Variants in ATP10B observed in about 807,000 individuals in gnomAD.
ATP10B encodes the protein ATPase phospholipid transporting 10B (putative), also known as phospholipid-transporting ATPase VB.
ATP10B carries 122 observed loss-of-function variants against 141.2 expected under a neutral mutation model. The observed-to-expected ratio is 0.86, with a 90% CI of 0.75 to 1.00. The LOEUF (loss-of-function observed/expected upper bound fraction) is 1.00, where lower values mean the gene tolerates loss of function less well. Among genes scored for constraint, ATP10B ranks in the 50% least tolerant of loss-of-function variants. The pLI, the probability that ATP10B is intolerant of heterozygous loss-of-function variation, is 0.00. For synonymous variants in ATP10B, 685 were observed against 692.0 expected (o/e 0.99, Z 0.16); for missense variants, 1,876 against 1,825.3 (o/e 1.03, Z -0.51).
In ATP10B at chr5:160,716,978, G is replaced by C; in HGVS notation, c.-274C>G. On this transcript the variant is annotated 5_prime_UTR_variant, in exon 3 of 26. Transcript: ENST00000327245. ...CTGTGCCCCTACAGCCACAGGAAGA[G>C]GGGGCAGATGTAGTACTTTAGCTGG... 2 of 985,386 alleles carry C rather than the reference G, an allele frequency of 2.0e-6. No individual in the cohort carries two copies. The highest frequency in any genetic ancestry group is 2.4e-6 in the Non-Finnish European group (2 of 829,864). The allele number at this position is 985,386 out of a possible 1,614,324, so 61.0% of individuals were successfully genotyped here.
intron 20 of ATP10B, 119 bp from the exon 21 acceptor site, chr5:160,602,821 T>C: frequency 7.2e-7 from 1 of 1,398,128 alleles, no homozygotes; most frequent in South Asian, 1.3e-5. Context: ...AAAGACCCCT[T>C]GTTGTGGTCA....
chr5:160,791,320 A>G (rs1771552403), intron 1 of ATP10B, among the ~76,000 whole-genome samples: 1 of 152,190 alleles, frequency 6.6e-6, no homozygotes, highest in Non-Finnish European at 1.5e-5. Context: ...GGAAATTAAT[A>G]TGCTGACTAT....
intron 1 of ATP10B, among the ~76,000 whole-genome samples, chr5:160,834,229 G>A (rs1034615805): frequency 2.0e-5 from 3 of 152,042 alleles, no homozygotes; most frequent in Non-Finnish European, 4.4e-5. Flanking sequence ...GGAGGCTGAG[G>A]CATGAGAATC....
intron 24 of ATP10B, among the ~76,000 whole-genome samples, chr5:160,583,395 C>T (rs530308047): frequency 5.0e-4 from 76 of 152,318 alleles, no homozygotes; most frequent in Non-Finnish European, 8.4e-4. Flanking sequence ...ATATCACCAG[C>T]AGAGGCTGCA....
intron 2 of ATP10B, among the ~76,000 whole-genome samples, 191 bp from the exon 3 acceptor site, chr5:160,717,225 GAGA>G (rs1328541880): frequency 1.2e-4 from 18 of 152,152 alleles, no homozygotes; most frequent in African/African-American, 4.3e-4. Context: ...GTAATGCTTG[GAGA>G]AGGAGAGGAA....
intron 6 of ATP10B, among the ~76,000 whole-genome samples, chr5:160,679,950 C>T (rs984231202): frequency 1.3e-5 from 2 of 152,164 alleles, no homozygotes; most frequent in African/African-American, 4.8e-5. Context: ...TAAACTAATA[C>T]AATTCTGAAG....
At chr5:160,629,375 G>A (rs754825899) in intron 13 of ATP10B, among the ~76,000 whole-genome samples, 2 of 152,162 alleles carry the variant, frequency 1.3e-5, no homozygotes, top group Non-Finnish European at 2.9e-5. Flanking sequence ...TGCCTCCCAA[G>A]CTGTAGAAAG....
chr5:160,661,661 G>A (rs929670788), intron 7 of ATP10B, among the ~76,000 whole-genome samples: 1 of 152,080 alleles, frequency 6.6e-6, no homozygotes, highest in Non-Finnish European at 1.5e-5. Flanking sequence ...AATAATAAGA[G>A]CTATCTATGA....
chr5:160,731,666 A>G (rs969934355), intron 2 of ATP10B, among the ~76,000 whole-genome samples: 10 of 152,176 alleles, frequency 6.6e-5, no homozygotes, highest in Non-Finnish European at 1.5e-4. Context: ...TGTCTTTATG[A>G]TATGAATAAC....
In ATP10B at chr5:160,598,917, G is replaced by A; in HGVS notation, c.3417C>T (p.Ser1139=). The change falls in exon 22 of 26, where the codon TCC becomes TCT. Residue 1139 remains serine, a synonymous_variant. Coordinates refer to ENST00000327245, the MANE Select transcript of ATP10B (RefSeq NM_025153.3). ...TCATCTGCCAGTAATCAATCATGGTGGAGCTGGAGAAACCACAGAAGAACT... is the reference window on the plus strand; with the variant it reads ...TCATCTGCCAGTAATCAATCATGGTAGAGCTGGAGAAACCACAGAAGAACT... ...WYQFFCGFSS[S]TMIDYWQMIF... The A allele has an allele frequency of 6.2e-7, 1 of 1,614,184 alleles. No homozygotes were observed. Among genetic ancestry groups the A allele is most frequent in the South Asian group, 1.1e-5 (1 of 91,086 alleles).
intron 7 of ATP10B, among the ~76,000 whole-genome samples, chr5:160,665,874 C>T (rs1426439860): frequency 6.6e-6 from 1 of 152,064 alleles, no homozygotes; most frequent in Non-Finnish European, 1.5e-5. Context: ...ACAGTAGGGA[C>T]TTAGAGGGAG....
At chr5:160,796,483 C>T (rs1771957139) in intron 1 of ATP10B, among the ~76,000 whole-genome samples, 1 of 152,158 alleles carries the variant, frequency 6.6e-6, no homozygotes, top group South Asian at 2.1e-4. Flanking sequence ...TATCTCTCAA[C>T]CTTCAAAAAT....
At chr5:160,612,010 G>A (rs1427443535) in intron 18 of ATP10B, 5 of 152,162 alleles carry the variant, frequency 3.3e-5, no homozygotes, top group African/African-American at 4.8e-5. Context: ...AAATCAAAAC[G>A]GTGTTATAGC....
At chr5:160,615,440 A>G (rs1757943901) in intron 17 of ATP10B, among the ~76,000 whole-genome samples, 1 of 148,132 alleles carries the variant, frequency 6.8e-6, no homozygotes, top group African/African-American at 2.5e-5. Flanking sequence ...TGCTTGCTCG[A>G]TCATCTAGTA....
At chr5:160,873,128 T>C in the ATP10B span, among the ~76,000 whole-genome samples, 1 of 151,850 alleles carries the variant, frequency 6.6e-6, no homozygotes, top group African/African-American at 2.4e-5. Flanking sequence ...TTTTTGTTTT[T>C]TTTTTTTCAG....
the ATP10B span, among the ~76,000 whole-genome samples, chr5:160,927,605 G>A: frequency 6.6e-6 from 1 of 152,180 alleles, no homozygotes; most frequent in Non-Finnish European, 1.5e-5. Flanking sequence ...TGAGAAAGAG[G>A]TAAACTGGTG....
intron 3 of ATP10B, among the ~76,000 whole-genome samples, chr5:160,697,852 T>C (rs967775320): frequency 6.6e-6 from 1 of 152,206 alleles, no homozygotes; most frequent in East Asian, 1.9e-4. Flanking sequence ...TCACTAGTCC[T>C]TGAGTCAATT....
intron 14 of ATP10B, 83 bp downstream of exon 14, chr5:160,622,311 C>T (rs1758389372): frequency 5.0e-6 from 7 of 1,394,192 alleles, no homozygotes; most frequent in South Asian, 1.4e-5. Context: ...TCTCCCTGAT[C>T]AGAACTTCTC....
intron 7 of ATP10B, among the ~76,000 whole-genome samples, chr5:160,665,690 G>A (rs1326125188): frequency 6.6e-6 from 1 of 152,216 alleles, no homozygotes; most frequent in Non-Finnish European, 1.5e-5. Flanking sequence ...GAGAAATGCA[G>A]ATCTATGTGA....
Sources: gnomAD v4.1 joint callset for allele counts (sites outside exome capture counted in the v4.1 genomes callset) on GRCh38, gnomAD v4.1.1 for gene constraint, MANE v1.5 for transcripts, NCBI Gene and HGNC (gene_info 2026-07-23, HGNC 2026-07-21) for gene names.